The following GOLM2 variants were observed in gnomAD, a reference collection of about 807,000 sequenced individuals.
GOLM2 encodes protein GOLM2.
Under a neutral mutation model 55.9 loss-of-function variants are expected in GOLM2, and 26 were observed. The ratio of observed to expected loss-of-function variants is 0.47; its 90% confidence interval spans 0.34 to 0.65. The LOEUF (loss-of-function observed/expected upper bound fraction) is 0.65, where lower values mean the gene tolerates loss of function less well. Ranked by LOEUF, GOLM2 falls within the 30% of genes least tolerant of loss-of-function variation. The probability of loss-of-function intolerance (pLI) is 0.01; values close to 1 mark genes in which losing one functional copy is unlikely to be tolerated. For missense variants in GOLM2, 486 were observed against 531.8 expected, an observed-to-expected ratio of 0.91 and a Z score of 0.85; for synonymous variants, 165 against 194.6, an observed-to-expected ratio of 0.85 and a Z score of 1.27.
In GOLM2 at chr15:44,302,122, G is replaced by C. The variant is rs939740957; in HGVS notation, c.327+12766G>C. Among the ~76,000 whole-genome samples, 3 of 151,770 alleles carry C rather than the reference G, an allele frequency of 2.0e-5. No individual in the cohort carries two copies. In the South Asian group the frequency reaches 6.2e-4, roughly 32 times the overall value. On this transcript the variant is annotated intron_variant, in intron 1 of 9. Coordinates refer to ENST00000299957, the MANE Select transcript of GOLM2 (RefSeq NM_138423.4). ...ATGTTAAGGGCAATAGGAAGCCATT[G>C]ATTGACTCTCTTTTTTACATTTAAT...
intron 1 of GOLM2, among the ~76,000 whole-genome samples, chr15:44,320,836 CTCT>C (rs2078943748): frequency 6.6e-6 from 1 of 152,182 alleles, no homozygotes; most frequent in African/African-American, 2.4e-5. Flanking sequence ...TTCTTTCCAA[CTCT>C]TCTTTTCATG....
intron 8 of GOLM2, among the ~76,000 whole-genome samples, chr15:44,397,751 C>T (rs1470546952): frequency 9.9e-5 from 15 of 152,058 alleles, no homozygotes; most frequent in Admixed American, 9.8e-4. Context: ...CATTCTAGAT[C>T]CATATAGCTA....
intron 6 of GOLM2, among the ~76,000 whole-genome samples, chr15:44,366,310 A>AC (rs1555424785): frequency 6.6e-5 from 10 of 150,438 alleles, no homozygotes; most frequent in African/African-American, 1.9e-4. Flanking sequence ...AAAAAAAAAA[A>AC]AAAACAAAAC....
intron 1 of GOLM2, among the ~76,000 whole-genome samples, chr15:44,305,426 G>A (rs1017288555): frequency 2.0e-5 from 3 of 151,952 alleles, no homozygotes; most frequent in African/African-American, 2.4e-5. Flanking sequence ...CAGCCTCCGA[G>A]TAGCTGGGAC....
intron 6 of GOLM2, among the ~76,000 whole-genome samples, chr15:44,368,077 A>C (rs1483942541): frequency 6.6e-6 from 1 of 151,998 alleles, no homozygotes; most frequent in African/African-American, 2.4e-5. Flanking sequence ...AAATATGCAA[A>C]TTTTACAATG....
intron 4 of GOLM2, among the ~76,000 whole-genome samples, chr15:44,333,826 C>T (rs1270719200): frequency 5.9e-5 from 9 of 152,114 alleles, no homozygotes; most frequent in African/African-American, 1.7e-4. Context: ...ACACATTCTC[C>T]TGCCTCAGCC....
intron 6 of GOLM2, among the ~76,000 whole-genome samples, chr15:44,377,241 G>A (rs1424604922): frequency 6.6e-6 from 1 of 152,122 alleles, no homozygotes; most frequent in Non-Finnish European, 1.5e-5. Context: ...GTGTAGTAGT[G>A]CAAGCCTGTG....
intron 1 of GOLM2, among the ~76,000 whole-genome samples, chr15:44,297,552 AT>A (rs11401275): frequency 2.8e-5 from 4 of 145,278 alleles, no homozygotes; most frequent in Non-Finnish European, 6.0e-5. Flanking sequence ...TATTATACCA[AT>A]TTTTTTTTGT....
At chr15:44,399,098 T>C (rs2079548153) in intron 8 of GOLM2, among the ~76,000 whole-genome samples, 1 of 152,228 alleles carries the variant, frequency 6.6e-6, no homozygotes, top group Non-Finnish European at 1.5e-5. Context: ...TGCTTCTTTC[T>C]TTCCCTGTCA....
chr15:44,400,572 G>A (rs988424965), intron 8 of GOLM2, among the ~76,000 whole-genome samples: 20 of 126,508 alleles, frequency 1.6e-4, no homozygotes, highest in African/African-American at 5.4e-4. Flanking sequence ...CCGCCTTGCC[G>A]CCTTTTTTTT....
intron 8 of GOLM2, among the ~76,000 whole-genome samples, chr15:44,402,130 T>A (rs1357592999): frequency 6.6e-6 from 1 of 152,040 alleles, no homozygotes; most frequent in Non-Finnish European, 1.5e-5. Flanking sequence ...GCACCAGGCC[T>A]GTCTTCTTCA....
intron 6 of GOLM2, among the ~76,000 whole-genome samples, chr15:44,344,926 C>G (rs1016412980): frequency 6.6e-6 from 1 of 150,860 alleles, no homozygotes; most frequent in African/African-American, 2.4e-5. Flanking sequence ...TACAGGCACC[C>G]GCCACAAGTA....
chr15:44,388,877 G>A (rs2079467826), intron 8 of GOLM2, among the ~76,000 whole-genome samples: 1 of 151,500 alleles, frequency 6.6e-6, no homozygotes, highest in South Asian at 2.1e-4. Flanking sequence ...GTGCAGTGGC[G>A]TGATCTTGGC....
intron 2 of GOLM2, among the ~76,000 whole-genome samples, chr15:44,324,004 G>A (rs753454932): frequency 6.6e-6 from 1 of 152,116 alleles, no homozygotes; most frequent in Non-Finnish European, 1.5e-5. Flanking sequence ...GTCATCACAT[G>A]GGTTTTTGTT....
At chr15:44,380,711 G>C in intron 7 of GOLM2, 95 bp from the exon 8 acceptor site, 1 of 705,764 alleles carries the variant, frequency 1.4e-6, no homozygotes, top group Non-Finnish European at 2.0e-6. Context: ...TTAAACAATA[G>C]TGTGTCTTAG....
chr15:44,406,233 AC>A (rs1290825317), intron 9 of GOLM2: 3 of 152,166 alleles, frequency 2.0e-5, no homozygotes, highest in Non-Finnish European at 4.4e-5. Flanking sequence ...ACTAAAAAAT[AC>A]AAAAATTAGC....
intron 9 of GOLM2, chr15:44,406,353 A>G (rs1334747457): frequency 6.6e-6 from 1 of 152,158 alleles, no homozygotes; most frequent in African/African-American, 2.4e-5. Flanking sequence ...GCACCATTGC[A>G]CTCCAGCCTA....
At chr15:44,306,353 T>G (rs1432908230) in intron 1 of GOLM2, among the ~76,000 whole-genome samples, 2 of 152,178 alleles carry the variant, frequency 1.3e-5, no homozygotes, top group African/African-American at 4.8e-5. Flanking sequence ...TTCCGACTTT[T>G]CTTGTACAGC....
rs1215296252 is a variant in GOLM2, at chr15:44,375,673, C to T, written c.803-4017C>T. ...TTGCATGCCTGTAGTCCCAGCTAGTCAGGAGGTTGAGGTGGGAGGACTGCT... is the reference window on the plus strand; with the variant it reads ...TTGCATGCCTGTAGTCCCAGCTAGTTAGGAGGTTGAGGTGGGAGGACTGCT... On this transcript the variant is annotated intron_variant, in intron 6 of 9. Transcript: ENST00000299957. 2.0e-5 allele frequency among the ~76,000 whole-genome samples: 3 copies of T among 152,082 alleles called. No individual in the cohort carries two copies. The East Asian group carries it at 5.8e-4, about 29-fold the overall frequency.
Sources: allele counts gnomAD v4.1 joint callset (sites outside exome capture counted in the v4.1 genomes callset), GRCh38; gene constraint gnomAD v4.1.1; transcripts MANE v1.5; gene names NCBI Gene and HGNC (gene_info 2026-07-23, HGNC 2026-07-21).